DOK6: variants seen among roughly 807,000 people sequenced by gnomAD.
DOK6 encodes the protein docking protein 6, also known as downstream of tyrosine kinase 6.
In DOK6, 22 loss-of-function variants were observed where a neutral mutation model predicts 44.0. That is an observed-to-expected ratio of 0.50 (90% CI 0.36 to 0.71). The LOEUF (loss-of-function observed/expected upper bound fraction) is 0.71, where lower values mean the gene tolerates loss of function less well. Ranked by LOEUF, DOK6 falls within the 30% of genes least tolerant of loss-of-function variation. The probability of loss-of-function intolerance (pLI) is 0.00; values close to 1 mark genes in which losing one functional copy is unlikely to be tolerated. For missense variants in DOK6, 340 were observed against 416.4 expected (o/e 0.82, Z 1.60); for synonymous variants, 166 against 145.5 (o/e 1.14, Z -1.01).
At chr18:69,739,167 CTG>C (rs750203941) in intron 6 of DOK6, 64 bp downstream of exon 6, 1 of 1,597,062 alleles carries the variant, frequency 6.3e-7, no homozygotes. Context: ...CTGATGTACA[CTG>C]TGTATGTGTG....
At chr18:69,741,241 C>T (rs1978788195) in intron 6 of DOK6, among the ~76,000 whole-genome samples, 1 of 152,108 alleles carries the variant, frequency 6.6e-6, no homozygotes, top group South Asian at 2.1e-4. Context: ...ATCACTTGGC[C>T]CATACATGTC....
chr18:69,410,998 T>C lies in DOK6; in HGVS notation c.66+9688T>C, dbSNP rs184464375. On this transcript the variant is annotated intron_variant, in intron 1 of 7. Coordinates refer to ENST00000382713, the MANE Select transcript of DOK6 (RefSeq NM_152721.6). ...TTATGTTTTATGTTCTTTTCTTTGT[T>C]CTTTGTTTCCTACTTAAAGAGATAG... 5.8e-4 allele frequency among the ~76,000 whole-genome samples: 88 copies of C among 152,254 alleles called. 1 individual carries two copies. Among genetic ancestry groups the C allele is most frequent in the Middle Eastern group, 3.4e-3 (1 of 294 alleles).
At chr18:69,455,970 T>A (rs1483293013) in intron 1 of DOK6, among the ~76,000 whole-genome samples, 1 of 152,176 alleles carries the variant, frequency 6.6e-6, no homozygotes, top group Non-Finnish European at 1.5e-5. Flanking sequence ...GTATCCAAAT[T>A]AAAAATCATA....
intron 5 of DOK6, among the ~76,000 whole-genome samples, chr18:69,701,548 C>A (rs974567394): frequency 7.2e-5 from 11 of 152,104 alleles, no homozygotes; most frequent in Non-Finnish European, 1.2e-4. Context: ...ATATTGTAAG[C>A]AAAAATCAAG....
chr18:69,821,435 T>C lies in DOK6; in HGVS notation c.857-19809T>C, dbSNP rs141287164. On this transcript the variant is annotated intron_variant, in intron 7 of 7. Coordinates refer to ENST00000382713, the MANE Select transcript of DOK6 (RefSeq NM_152721.6). ...TTAACAAAAGAATTCTGATAAGAGA[T>C]ATATTCTCTAGTGAATCATCCTCTG... Among the ~76,000 whole-genome samples, 525 of 152,324 alleles carry C rather than the reference T, an allele frequency of 3.4e-3. 3 individuals carry two copies. Among genetic ancestry groups the C allele is most frequent in the African/African-American group, 0.011 (469 of 41,586 alleles).
chr18:69,402,240 A>G (rs1334139893), intron 1 of DOK6, among the ~76,000 whole-genome samples: 1 of 152,052 alleles, frequency 6.6e-6, no homozygotes, highest in African/African-American at 2.4e-5. Context: ...TGGGAAAGAA[A>G]GGGCCCCTGT....
At chr18:69,698,909 T>G (rs1029123957) in intron 5 of DOK6, among the ~76,000 whole-genome samples, 1 of 152,234 alleles carries the variant, frequency 6.6e-6, no homozygotes, top group Non-Finnish European at 1.5e-5. Context: ...ATTTTCGGTG[T>G]GCCTGTATGC....
chr18:69,676,686 A>G (rs1259584629), intron 3 of DOK6, among the ~76,000 whole-genome samples: 13 of 152,236 alleles, frequency 8.5e-5, no homozygotes, highest in Non-Finnish European at 1.6e-4. Flanking sequence ...GGCCTAAAAT[A>G]TTAAACCTGA....
intron 1 of DOK6, among the ~76,000 whole-genome samples, chr18:69,482,161 C>T (rs970049362): frequency 6.6e-6 from 1 of 152,070 alleles, no homozygotes; most frequent in Non-Finnish European, 1.5e-5. Context: ...AATTTTCTCC[C>T]ATTCTGTAGG....
intron 7 of DOK6, among the ~76,000 whole-genome samples, chr18:69,762,108 A>G (rs981822519): frequency 7.9e-5 from 12 of 152,252 alleles, no homozygotes; most frequent in Admixed American, 5.2e-4. Flanking sequence ...CCCAGGAGTT[A>G]AGACCAGTCT....
In DOK6 at chr18:69,549,753, C is replaced by A. The variant is rs182986874; in HGVS notation, c.67-14734C>A. On this transcript the variant is annotated intron_variant, in intron 1 of 7. Coordinates refer to ENST00000382713, the MANE Select transcript of DOK6 (RefSeq NM_152721.6). ...ATGCAAGATAGACACTCATTTTACC[C>A]TCAGGGAATCAGATCTGGAAGCACT... is the stretch of plus-strand genomic sequence containing the variant. Among the ~76,000 whole-genome samples the A allele has an allele frequency of 1.8e-3, 269 of 151,416 alleles. 6 individuals carry two copies. Among genetic ancestry groups the A allele is most frequent in the African/African-American group, 4.7e-3 (196 of 41,430 alleles).
chr18:69,444,729 C>A (rs756963960), intron 1 of DOK6, among the ~76,000 whole-genome samples: 4 of 151,450 alleles, frequency 2.6e-5, no homozygotes, highest in Non-Finnish European at 1.5e-5. Context: ...CTGCAACCTC[C>A]GCCTCCTGGA....
At chr18:69,736,219 A>T (rs1978600305) in intron 5 of DOK6, among the ~76,000 whole-genome samples, 1 of 152,206 alleles carries the variant, frequency 6.6e-6, no homozygotes, top group African/African-American at 2.4e-5. Flanking sequence ...AAATTATATG[A>T]TACATTTATA....
intron 1 of DOK6, among the ~76,000 whole-genome samples, chr18:69,523,140 T>C (rs1362819393): frequency 6.6e-6 from 1 of 152,068 alleles, no homozygotes; most frequent in Non-Finnish European, 1.5e-5. Context: ...CTGTGGTGTG[T>C]GATGCAAAAC....
intron 5 of DOK6, among the ~76,000 whole-genome samples, chr18:69,725,796 A>T (rs1978304002): frequency 6.6e-6 from 1 of 152,154 alleles, no homozygotes; most frequent in African/African-American, 2.4e-5. Context: ...CCTGAAGTGT[A>T]TTTAAAATAC....
chr18:69,483,788 A>C (rs1168584958), intron 1 of DOK6: 1 of 152,088 alleles, frequency 6.6e-6, no homozygotes, highest in Non-Finnish European at 1.5e-5. Context: ...ATGCTTGCCT[A>C]AACGAAATTT....
chr18:69,488,931 C>T (rs1295553551), intron 1 of DOK6, among the ~76,000 whole-genome samples: 1 of 152,146 alleles, frequency 6.6e-6, no homozygotes, highest in Admixed American at 6.5e-5. Context: ...GATCTGTGAC[C>T]ATATTAACAG....
intron 1 of DOK6, among the ~76,000 whole-genome samples, chr18:69,537,098 G>C (rs1236864488): frequency 6.6e-6 from 1 of 151,774 alleles, no homozygotes; most frequent in African/African-American, 2.4e-5. Context: ...AGCCTCCCAA[G>C]GTGCTGGGAT....
intron 3 of DOK6, among the ~76,000 whole-genome samples, chr18:69,604,639 GTC>G (rs1983953225): frequency 6.6e-6 from 1 of 151,866 alleles, no homozygotes; most frequent in South Asian, 2.1e-4. Context: ...TTTTTTAATT[GTC>G]TCAACCTTCA....
Sources: allele counts gnomAD v4.1 joint callset (sites outside exome capture counted in the v4.1 genomes callset), GRCh38; gene constraint gnomAD v4.1.1; transcripts MANE v1.5; gene names NCBI Gene and HGNC (gene_info 2026-07-23, HGNC 2026-07-21).